CIDEA: variants seen among roughly 807,000 people sequenced by gnomAD.
CIDEA encodes cell death inducing DFFA like effector a.
In CIDEA, 10 loss-of-function variants were observed where a neutral mutation model predicts 18.2. The observed-to-expected ratio is 0.55, with a 90% CI of 0.34 to 0.93. The LOEUF is 0.93. Among genes scored for constraint, CIDEA ranks in the 40% least tolerant of loss-of-function variants. The pLI is 0.02. For synonymous variants in CIDEA, 128 were observed against 124.8 expected, an observed-to-expected ratio of 1.03 and a Z score of -0.17; for missense variants, 309 against 293.1, an observed-to-expected ratio of 1.05 and a Z score of -0.40.
At chr18:12,276,522 C>T (rs189656428) in intron 4 of CIDEA, among the ~76,000 whole-genome samples, 6 of 152,272 alleles carry the variant, frequency 3.9e-5, no homozygotes, top group East Asian at 3.9e-4. Flanking sequence ...CTGATAAATC[C>T]GATGACACCA....
chr18:12,261,370 A>G (rs1291543685), intron 1 of CIDEA, among the ~76,000 whole-genome samples: 2 of 152,146 alleles, frequency 1.3e-5, no homozygotes, highest in East Asian at 1.9e-4. Context: ...CTCCATCTCA[A>G]AACAAACAAA....
At chr18:12,271,427 C>T (rs1445363464) in intron 3 of CIDEA, among the ~76,000 whole-genome samples, 1 of 152,226 alleles carries the variant, frequency 6.6e-6, no homozygotes, top group East Asian at 1.9e-4. Context: ...AGCGAGGGGC[C>T]GGGCCTGCCC....
At chr18:12,271,815 G>T (rs1433786669) in intron 3 of CIDEA, among the ~76,000 whole-genome samples, 1 of 152,098 alleles carries the variant, frequency 6.6e-6, no homozygotes, top group Admixed American at 6.5e-5. Context: ...GCTGGAGCAG[G>T]AAGCCGCCAG....
At chr18:12,258,540 G>A (rs2144059139) in intron 1 of CIDEA, among the ~76,000 whole-genome samples, 1 of 152,380 alleles carries the variant, frequency 6.6e-6, no homozygotes, top group South Asian at 2.1e-4. Flanking sequence ...AGATGCTAGA[G>A]GCCTTGTGCA....
intron 1 of CIDEA, among the ~76,000 whole-genome samples, chr18:12,262,175 G>GA (rs907971179): frequency 2.7e-5 from 4 of 146,454 alleles, no homozygotes; most frequent in Admixed American, 6.7e-5. Flanking sequence ...TCTAAAAGGA[G>GA]AAAAAAAAAG....
intron 1 of CIDEA, 149 bp downstream of exon 1, chr18:12,254,570 A>G: frequency 6.5e-7 from 1 of 1,528,964 alleles, no homozygotes; most frequent in Non-Finnish European, 8.8e-7. Flanking sequence ...GACCCCGCGC[A>G]CACACCCATC....
intron 1 of CIDEA, among the ~76,000 whole-genome samples, chr18:12,260,278 C>G (rs1290661636): frequency 6.6e-6 from 1 of 152,120 alleles, no homozygotes; most frequent in African/African-American, 2.4e-5. Context: ...AGGGCTCGAG[C>G]AATCCCCTTG....
At position 12,277,263 on chromosome 18, in the gene CIDEA, G is replaced by A. The variant is rs777324788; in HGVS notation, c.653G>A (p.Cys218Tyr). 6.2e-7 allele frequency: 1 copy of A among 1,614,198 alleles called. No individual in the cohort carries two copies. The highest frequency in any genetic ancestry group is 8.5e-7 in the Non-Finnish European group (1 of 1,180,040). The change falls in exon 5 of 5, where the codon TGT (cysteine) becomes TAT (tyrosine). Residue 218 changes from cysteine (C) to tyrosine (Y), a missense_variant. Transcript: ENST00000320477. ...TCACAAGCCAAGGGCAGGTTCACGT[G>A]TGGATAGGGATGCAGGCTGTCGCCG... is the stretch of plus-strand genomic sequence containing the variant. The part of the protein sequence containing the change: ...LRSQAKGRFT[C>Y]G
rs149134551 is a variant in CIDEA at position 12,277,200 on chromosome 18, G to C, written c.590G>C (p.Arg197Pro). 1.9e-6 allele frequency: 3 copies of C among 1,614,180 alleles called. No homozygotes were observed. In the East Asian group the frequency reaches 6.7e-5, roughly 36 times the overall value. Residue 197 changes from arginine to proline, a missense_variant, in exon 5 of 5, where the codon CGG becomes CCG. By Grantham distance (103) the Arg-to-Pro change is moderately radical. Transcript: ENST00000320477. ...FLIYLGTYML[R>P]VLDDKEERPS... ...ATCTATCTGGGCACATACATGCTCC[G>C]GGTGCTGGATGACAAGGAAGAGCGG...
Position 12,275,993 on chromosome 18 carries a change from C to CTTTTT in CIDEA, c.513-1128_513-1127insTTTTT, listed in dbSNP as rs149108439. Among the ~76,000 whole-genome samples the CTTTTT allele has an allele frequency of 5.7e-4, 74 of 129,680 alleles. 15 individuals carry two copies. The highest frequency in any genetic ancestry group is 7.5e-4 in the South Asian group (3 of 3,998). 85.1% of individuals were successfully genotyped at this position (129,680 alleles called of 152,430 possible). ...GTGAAATCTTTTTTCTTTTTCTTTT[C>CTTTTT]TTATTTTTTTTCTTTTTTGAGACGG... On this transcript the variant is annotated intron_variant, in intron 4 of 4. Coordinates refer to ENST00000320477, the MANE Select transcript of CIDEA (RefSeq NM_001279.4).
At chr18:12,269,051 C>A (rs1459943498) in intron 3 of CIDEA, among the ~76,000 whole-genome samples, 1 of 152,130 alleles carries the variant, frequency 6.6e-6, no homozygotes, top group Non-Finnish European at 1.5e-5. Flanking sequence ...AACTTCTGAC[C>A]TTGTGATCTG....
rs764836328 is a variant in CIDEA, at chr18:12,274,268, T to C, written c.506T>C (p.Leu169Pro). The change falls in exon 4 of 5, where the codon CTG becomes CCG. Residue 169 changes from leucine to proline, a missense_variant. By Grantham distance (98) the Leu-to-Pro change is moderately conservative (BLOSUM62 -3). Coordinates refer to ENST00000320477, the MANE Select transcript of CIDEA (RefSeq NM_001279.4). ...ATCCGGTGCACGGGACTCAAGGGCCTGCTGAGGTAACACACTCCAGGGGTC... is the reference window on the plus strand; with the variant it reads ...ATCCGGTGCACGGGACTCAAGGGCCCGCTGAGGTAACACACTCCAGGGGTC... ...YDIRCTGLKG[L>P]LRSLLRFLSY... 6.2e-7 allele frequency: 1 copy of C among 1,614,114 alleles called. No individual in the cohort carries two copies. The highest frequency in any genetic ancestry group is 8.5e-7 in the Non-Finnish European group (1 of 1,179,990).
chr18:12,262,537 T>G (rs921627181), intron 1 of CIDEA, among the ~76,000 whole-genome samples: 3 of 152,238 alleles, frequency 2.0e-5, no homozygotes, highest in Non-Finnish European at 4.4e-5. Flanking sequence ...AATTCTTATT[T>G]CTTGTTTGAG....
intron 4 of CIDEA, 37 bp downstream of exon 4, chr18:12,274,311 G>A (rs201684247): frequency 1.3e-5 from 21 of 1,603,864 alleles, no homozygotes; most frequent in Non-Finnish European, 1.8e-5. Context: ...GGGGTCTGCA[G>A]ACTGCACAGG....
chr18:12,270,548 G>A (rs1344945904), intron 3 of CIDEA, among the ~76,000 whole-genome samples: 2 of 151,972 alleles, frequency 1.3e-5, no homozygotes, highest in Non-Finnish European at 2.9e-5. Context: ...AATTAGACAA[G>A]CATGCTGGTA....
At chr18:12,271,614 G>A (rs2144082994) in intron 3 of CIDEA, among the ~76,000 whole-genome samples, 1 of 152,340 alleles carries the variant, frequency 6.6e-6, no homozygotes, top group East Asian at 1.9e-4. Context: ...GGGAGGAGTT[G>A]GTGGTGGGCG....
intron 2 of CIDEA, among the ~76,000 whole-genome samples, chr18:12,263,361 T>C (rs1372274948): frequency 1.3e-5 from 2 of 152,134 alleles, no homozygotes; most frequent in Non-Finnish European, 2.9e-5. Context: ...GAGTGGATCA[T>C]ATGATATGTG....
intron 3 of CIDEA, among the ~76,000 whole-genome samples, chr18:12,271,766 G>A (rs541053808): frequency 6.6e-6 from 1 of 152,162 alleles, no homozygotes; most frequent in Non-Finnish European, 1.5e-5. Context: ...CCACCTGTAG[G>A]CCTTTCTGGG....
At chr18:12,271,288 T>C (rs988721884) in intron 3 of CIDEA, among the ~76,000 whole-genome samples, 1 of 152,142 alleles carries the variant, frequency 6.6e-6, no homozygotes, top group Non-Finnish European at 1.5e-5. Context: ...TCCTGGATCA[T>C]CTGGGTAGAG....
Sources: allele counts gnomAD v4.1 joint callset (sites outside exome capture counted in the v4.1 genomes callset), GRCh38; gene constraint gnomAD v4.1.1; transcripts MANE v1.5; gene names NCBI Gene and HGNC (gene_info 2026-07-23, HGNC 2026-07-21).